WARS2: variants seen among roughly 807,000 people sequenced by gnomAD.
WARS2 encodes tryptophan--tRNA ligase, mitochondrial.
WARS2 carries 28 observed loss-of-function variants against 36.5 expected under a neutral mutation model. The observed-to-expected ratio is 0.77, with a 90% confidence interval of 0.57 to 1.05. The LOEUF is 1.05. Among genes scored for constraint, WARS2 ranks in the 50% least tolerant of loss-of-function variants. WARS2 has a pLI of 0.00. For missense variants in WARS2, 435 were observed against 456.8 expected (o/e 0.95, Z 0.44); for synonymous variants, 174 against 178.4 (o/e 0.98, Z 0.20).
Position 119,032,540 on chromosome 1 carries a change from T to G in WARS2, c.*371A>C. 1 of 222,226 alleles carries G rather than the reference T, an allele frequency of 4.5e-6. No individual in the cohort carries two copies. The highest frequency in any genetic ancestry group is 5.2e-5 in the Admixed American group (1 of 19,296). 13.8% of individuals were successfully genotyped at this position (222,226 alleles called of 1,614,324 possible). On this transcript the variant is annotated 3_prime_UTR_variant, in exon 6 of 6. Coordinates refer to ENST00000235521, the MANE Select transcript of WARS2 (RefSeq NM_015836.4). ...ATATTGCTTTATAAAAGGGTTGAAG[T>G]AGATAACGTGTGCATCTGTTACAGT...
chr1:119,113,788 T>C (rs144699336), intron 1 of WARS2, among the ~76,000 whole-genome samples: 3 of 152,090 alleles, frequency 2.0e-5, no homozygotes, highest in Non-Finnish European at 4.4e-5. Flanking sequence ...TCAACTATAA[T>C]AAGACAATAA....
chr1:119,066,434 T>G (rs752389443), intron 2 of WARS2, among the ~76,000 whole-genome samples: 1 of 134,496 alleles, frequency 7.4e-6, no homozygotes, highest in South Asian at 2.3e-4. Context: ...GCTGAGATCA[T>G]GCCATTGCAC....
At position 119,085,607 on chromosome 1, in the gene WARS2, G is replaced by T. The variant is rs587736612; in HGVS notation, c.91-9000C>A. On this transcript the variant is annotated intron_variant, in intron 1 of 5. Transcript: ENST00000235521. Reference sequence around the variant, plus strand: ...CCATTTCTTCTGAGTCCTTAGGAACGCAATAGTTAGACACATGATCCACTC... The same window carrying T: ...CCATTTCTTCTGAGTCCTTAGGAACTCAATAGTTAGACACATGATCCACTC... 4 of 1,499,212 alleles carry T rather than the reference G, an allele frequency of 2.7e-6. No homozygotes were observed. The South Asian group carries it at 4.5e-5, about 17-fold the overall frequency. 92.9% of individuals were successfully genotyped at this position (1,499,212 alleles called of 1,614,324 possible).
At chr1:119,131,941 T>C (rs1170124980) in intron 1 of WARS2, among the ~76,000 whole-genome samples, 1 of 152,066 alleles carries the variant, frequency 6.6e-6, no homozygotes, top group Non-Finnish European at 1.5e-5. Context: ...GAAAGAATCC[T>C]ACTAAGAGTG....
intron 2 of WARS2, among the ~76,000 whole-genome samples, chr1:119,047,108 T>G (rs1209859760): frequency 6.6e-6 from 1 of 152,212 alleles, no homozygotes; most frequent in Non-Finnish European, 1.5e-5. Flanking sequence ...ATTGACACAC[T>G]GTCCATGCAA....
At chr1:119,134,319 C>CAA (rs761321480) in intron 1 of WARS2, among the ~76,000 whole-genome samples, 13,783 of 65,866 alleles carry the variant, frequency 0.21, 2,246 homozygotes, top group East Asian at 0.3. Flanking sequence ...GGCAAAGGGG[C>CAA]AAAAAAAAAA....
chr1:119,072,165 C>T (rs1571316768), intron 2 of WARS2, among the ~76,000 whole-genome samples: 1 of 152,148 alleles, frequency 6.6e-6, no homozygotes. Flanking sequence ...AAAGCCAATA[C>T]ATGCCTTCAT....
chr1:119,105,743 C>G (rs1654191868), intron 1 of WARS2, among the ~76,000 whole-genome samples: 1 of 152,160 alleles, frequency 6.6e-6, no homozygotes, highest in Admixed American at 6.5e-5. Flanking sequence ...GAAACCCTGT[C>G]TCTACTAAAA....
intron 1 of WARS2, among the ~76,000 whole-genome samples, chr1:119,134,653 A>C (rs750921447): frequency 7.9e-5 from 12 of 152,198 alleles, no homozygotes; most frequent in South Asian, 2.1e-4. Flanking sequence ...GAGAAAACTA[A>C]ATGCCTGAGC....
At position 119,033,193 on chromosome 1, in the gene WARS2, A is replaced by G. The variant is rs769856669; in HGVS notation, c.801T>C (p.Ala267=). The G allele has an allele frequency of 4.5e-5, 72 of 1,614,120 alleles. No individual in the cohort carries two copies. The highest frequency in any genetic ancestry group is 5.8e-5 in the Non-Finnish European group (68 of 1,180,046). ...CTATGTTGGACACGCCAGCGCGGCC[A>G]GCCGGGTCATAGGTGACCTCCGAGG... is the stretch of plus-strand genomic sequence containing the variant. ...DFTSEVTYDP[A]GRAGVSNIVA... Residue 267 remains alanine (A), a synonymous_variant, in exon 6 of 6, where the codon GCT becomes GCC. Coordinates refer to ENST00000235521, the MANE Select transcript of WARS2 (RefSeq NM_015836.4).
At chr1:119,082,237 G>C (rs1433848330) in intron 1 of WARS2, 1 of 982,232 alleles carries the variant, frequency 1.0e-6, no homozygotes, top group Non-Finnish European at 1.2e-6. Context: ...GAGTTTAAAA[G>C]GAATCAACTT....
At chr1:119,084,173 G>T (rs587761970) in intron 1 of WARS2, among the ~76,000 whole-genome samples, 2 of 53,638 alleles carry the variant, frequency 3.7e-5, no homozygotes, top group Non-Finnish European at 7.0e-5. Flanking sequence ...ACACAACTAC[G>T]TCGGCTAATT....
At chr1:119,121,524 C>T (rs1208078137) in intron 1 of WARS2, among the ~76,000 whole-genome samples, 1 of 151,858 alleles carries the variant, frequency 6.6e-6, no homozygotes, top group African/African-American at 2.4e-5. Context: ...ACACTCTTCA[C>T]AGAACTAGAA....
At chr1:119,121,044 G>A (rs1655294208) in intron 1 of WARS2, among the ~76,000 whole-genome samples, 1 of 152,070 alleles carries the variant, frequency 6.6e-6, no homozygotes, top group Admixed American at 6.6e-5. Context: ...GCCCTGGCCA[G>A]AGCAATCAGA....
intron 2 of WARS2, among the ~76,000 whole-genome samples, chr1:119,051,381 G>C (rs1326953889): frequency 6.6e-6 from 1 of 152,074 alleles, no homozygotes; most frequent in African/African-American, 2.4e-5. Context: ...TATTTTTATG[G>C]CTGCACAGTA....
intron 1 of WARS2, among the ~76,000 whole-genome samples, chr1:119,118,375 A>C (rs1285406304): frequency 6.6e-6 from 1 of 152,042 alleles, no homozygotes; most frequent in Non-Finnish European, 1.5e-5. Context: ...CAATCCAACA[A>C]AGACAAAGAA....
intron 1 of WARS2, among the ~76,000 whole-genome samples, chr1:119,104,836 C>T (rs1018807667): frequency 8.0e-5 from 12 of 150,114 alleles, no homozygotes; most frequent in Admixed American, 6.0e-4. Flanking sequence ...CAAGTGATCA[C>T]AGGACGAAGA....
intron 2 of WARS2, among the ~76,000 whole-genome samples, chr1:119,048,687 G>A (rs757642331): frequency 1.3e-5 from 2 of 152,138 alleles, no homozygotes; most frequent in Non-Finnish European, 2.9e-5. Flanking sequence ...CCTAGACGAG[G>A]AGAAAAATTT....
intron 1 of WARS2, chr1:119,085,101 T>TC: frequency 1.3e-6 from 1 of 775,792 alleles, no homozygotes; most frequent in Non-Finnish European, 2.4e-6. Context: ...TCTACTTCTA[T>TC]GACTACGCCC....
Sources: allele counts gnomAD v4.1 joint callset (sites outside exome capture counted in the v4.1 genomes callset), GRCh38; gene constraint gnomAD v4.1.1; transcripts MANE v1.5; gene names NCBI Gene and HGNC (gene_info 2026-07-23, HGNC 2026-07-21).